The following OSBPL1A variants were observed in gnomAD, a reference collection of about 807,000 sequenced individuals.
The protein encoded by OSBPL1A is oxysterol-binding protein-related protein 1.
In OSBPL1A, 80 loss-of-function variants were observed where a neutral mutation model predicts 137.1. The observed-to-expected ratio is 0.58, with a 90% CI of 0.49 to 0.70. OSBPL1A has a LOEUF of 0.70. OSBPL1A is among the 30% of genes least tolerant of loss of function. The pLI, the probability that OSBPL1A is intolerant of heterozygous loss-of-function variation, is 0.00. For missense variants in OSBPL1A, 970 were observed against 1,129.4 expected, an observed-to-expected ratio of 0.86 and a Z score of 2.02; for synonymous variants, 365 against 389.7, an observed-to-expected ratio of 0.94 and a Z score of 0.75.
chr18:24,306,382 T>C (rs142704425), intron 13 of OSBPL1A, among the ~76,000 whole-genome samples: 15 of 152,320 alleles, frequency 9.8e-5, no homozygotes, highest in African/African-American at 3.6e-4. Flanking sequence ...GAGGAATGCA[T>C]AGGCTAGTAG....
At chr18:24,344,734 G>A (rs1275737326) in intron 4 of OSBPL1A, among the ~76,000 whole-genome samples, 1 of 152,114 alleles carries the variant, frequency 6.6e-6, no homozygotes, top group African/African-American at 2.4e-5. Flanking sequence ...TGAATCCCAG[G>A]AGGAGAAAAT....
At chr18:24,382,073 G>A (rs1906623897) in intron 1 of OSBPL1A, among the ~76,000 whole-genome samples, 1 of 151,788 alleles carries the variant, frequency 6.6e-6, no homozygotes, top group African/African-American at 2.4e-5. Context: ...TGGCAACATG[G>A]TGAGACCCTA....
At chr18:24,211,973 G>A in intron 17 of OSBPL1A, among the ~76,000 whole-genome samples, 1 of 151,802 alleles carries the variant, frequency 6.6e-6, no homozygotes, top group East Asian at 1.9e-4. Flanking sequence ...AAGGTTTTGA[G>A]GATATTAGGA....
At chr18:24,375,933 G>A (rs561750776) in intron 2 of OSBPL1A, among the ~76,000 whole-genome samples, 8 of 152,146 alleles carry the variant, frequency 5.3e-5, no homozygotes, top group Admixed American at 3.9e-4. Context: ...CTCTTAAGGC[G>A]GCGCGTCTGG....
At chr18:24,179,408 T>C (rs2086536589) in intron 20 of OSBPL1A, 1 of 272,544 alleles carries the variant, frequency 3.7e-6, no homozygotes, top group Non-Finnish European at 7.1e-6. Flanking sequence ...ACCTGCACAT[T>C]GTGCACATGT....
At chr18:24,317,880 T>C (rs1479457185) in intron 9 of OSBPL1A, among the ~76,000 whole-genome samples, 4 of 152,224 alleles carry the variant, frequency 2.6e-5, no homozygotes, top group African/African-American at 9.6e-5. Flanking sequence ...ATGTAGAAAC[T>C]GTTAGGACTG....
chr18:24,163,062 T>TGA lies in OSBPL1A; in HGVS notation c.*115_*116dup. 1 of 685,508 alleles carries TGA rather than the reference T, an allele frequency of 1.5e-6. No homozygotes were observed. Among genetic ancestry groups the TGA allele is most frequent in the East Asian group, 2.9e-5 (1 of 34,464 alleles). 42.5% of individuals were successfully genotyped at this position (685,508 alleles called of 1,614,324 possible). A position where few individuals can be genotyped will look rare whatever the true frequency, so the allele number is the denominator to read the frequency against. ...TGTTGGGTGAAATGCAGTTATCTCA[T>TGA]GAGTGTTTTTTCATTTTTTTTTTTA... On this transcript the variant is annotated 3_prime_UTR_variant, in exon 28 of 28. Coordinates refer to ENST00000319481, the MANE Select transcript of OSBPL1A (RefSeq NM_080597.4).
chr18:24,338,075 C>A (rs1461352089), intron 5 of OSBPL1A, among the ~76,000 whole-genome samples: 1 of 133,676 alleles, frequency 7.5e-6, no homozygotes, highest in African/African-American at 3.5e-5. Flanking sequence ...TTTTCTTTTT[C>A]TTTCTTTTTT....
Position 24,172,440 on chromosome 18 carries a change from G to A in OSBPL1A, c.2137C>T (p.His713Tyr). 1.2e-6 allele frequency: 2 copies of A among 1,614,086 alleles called. No individual in the cohort carries two copies. Among genetic ancestry groups the A allele is most frequent in the South Asian group, 2.2e-5 (2 of 91,070 alleles). The change falls in exon 22 of 28, where the codon CAT becomes TAT. Residue 713 changes from histidine (H) to tyrosine (Y), a missense_variant. Physicochemically the swap from His to Tyr is moderately conservative, Grantham distance 83. Transcript: ENST00000319481. ...CACAGTTTACCCACAATGATATTAT[G>A]CACACAGCAGGTGGGATTTGTCCAT... The part of the protein sequence containing the change: ...YTWTNPTCCV[H>Y]NIIVGKLWIE...
At chr18:24,301,169 G>T (rs979848260) in intron 14 of OSBPL1A, 1 of 152,140 alleles carries the variant, frequency 6.6e-6, no homozygotes, top group African/African-American at 2.4e-5. Flanking sequence ...TTCAGAAAAT[G>T]TCCATAATTA....
intron 18 of OSBPL1A, among the ~76,000 whole-genome samples, chr18:24,189,476 G>A (rs111424849): frequency 2.0e-5 from 3 of 152,260 alleles, no homozygotes; most frequent in African/African-American, 7.2e-5. Context: ...GGGGGCTGGC[G>A]GCAGTCAGCT....
intron 21 of OSBPL1A, among the ~76,000 whole-genome samples, chr18:24,173,411 T>C (rs149714072): frequency 3.3e-5 from 5 of 152,274 alleles, no homozygotes; most frequent in African/African-American, 1.2e-4. Flanking sequence ...AAAAGTTTTA[T>C]TTTACTTTTT....
At chr18:24,239,929 T>TTTC (rs1366602883) in intron 15 of OSBPL1A, among the ~76,000 whole-genome samples, 1 of 133,096 alleles carries the variant, frequency 7.5e-6, no homozygotes, top group Non-Finnish European at 1.6e-5. Context: ...TTTTCTCTTT[T>TTTC]TTTTTTTTTT....
intron 7 of OSBPL1A, among the ~76,000 whole-genome samples, chr18:24,327,657 C>A (rs1395392712): frequency 6.6e-5 from 10 of 152,174 alleles, no homozygotes; most frequent in Admixed American, 6.5e-4. Context: ...TATCCGCCTG[C>A]CTCAGCCTCC....
intron 1 of OSBPL1A, among the ~76,000 whole-genome samples, chr18:24,393,934 G>A (rs1907550387): frequency 6.6e-6 from 1 of 152,134 alleles, no homozygotes; most frequent in African/African-American, 2.4e-5. Context: ...AAGGAAAACA[G>A]GAGCAAATTA....
intron 7 of OSBPL1A, among the ~76,000 whole-genome samples, chr18:24,328,785 A>C (rs1050226382): frequency 2.0e-5 from 3 of 152,318 alleles, no homozygotes; most frequent in Admixed American, 1.3e-4. Context: ...TAAGTGCAGA[A>C]ATACACACCA....
chr18:24,395,742 C>T (rs899632179), intron 1 of OSBPL1A, among the ~76,000 whole-genome samples: 7 of 151,838 alleles, frequency 4.6e-5, no homozygotes, highest in Non-Finnish European at 8.8e-5. Flanking sequence ...CAGCCTCAGC[C>T]TCCCAAGTGG....
In OSBPL1A at chr18:24,178,205, T is replaced by TAA. The variant is rs370187142; in HGVS notation, c.1911-12_1911-11dup. 5.9e-4 allele frequency: 692 copies of TAA among 1,173,080 alleles called. No homozygotes were observed. The highest frequency in any genetic ancestry group is 2.4e-3 in the African/African-American group (138 of 58,598). 72.7% of individuals were successfully genotyped at this position (1,173,080 alleles called of 1,614,324 possible). Reference sequence around the variant, plus strand: ...AAATCCAAGGTCATCTCTTAAGATTTAAAAAAAAAAAAAAAGAAAAAAAAA... The same window carrying TAA: ...AAATCCAAGGTCATCTCTTAAGATTTAAAAAAAAAAAAAAAAAGAAAAAAAAA... On this transcript the variant is annotated splice_polypyrimidine_tract_variant and intron_variant, in intron 20 of 27. Transcript: ENST00000319481.
At chr18:24,172,305 A>G (rs2086308052) in intron 22 of OSBPL1A, 71 bp downstream of exon 22, 1 of 1,145,528 alleles carries the variant, frequency 8.7e-7, no homozygotes, top group East Asian at 2.4e-5. Context: ...AAACAAAACA[A>G]AAAAACTGAT....
Sources: gnomAD v4.1 joint callset for allele counts (sites outside exome capture counted in the v4.1 genomes callset) on GRCh38, gnomAD v4.1.1 for gene constraint, MANE v1.5 for transcripts, NCBI Gene and HGNC (gene_info 2026-07-23, HGNC 2026-07-21) for gene names.